VEPH1: variants seen among roughly 807,000 people sequenced by gnomAD.
The protein encoded by VEPH1 is ventricular zone-expressed PH domain-containing protein homolog 1.
In VEPH1, 80 loss-of-function variants were observed where a neutral mutation model predicts 85.2. That is an observed-to-expected ratio of 0.94 (90% CI 0.78 to 1.13). The LOEUF is 1.13. Among genes scored for constraint, VEPH1 ranks in the 50% most tolerant of loss-of-function variants. The probability of loss-of-function intolerance (pLI) is 0.00; values close to 1 mark genes in which losing one functional copy is unlikely to be tolerated. For missense variants in VEPH1, 955 were observed against 980.5 expected (o/e 0.97, Z 0.35); for synonymous variants, 297 against 348.0 (o/e 0.85, Z 1.63).
intron 4 of VEPH1, chr3:157,437,905 C>A: frequency 6.6e-7 from 1 of 1,523,832 alleles, no homozygotes; most frequent in Non-Finnish European, 8.7e-7. Flanking sequence ...CCGGAGCTGG[C>A]TGCCGGCAGG....
At chr3:157,373,501 T>C (rs553843710) in intron 7 of VEPH1, among the ~76,000 whole-genome samples, 26 of 152,282 alleles carry the variant, frequency 1.7e-4, no homozygotes, top group African/African-American at 6.3e-4. Context: ...ATGGCAACTT[T>C]AAAGTTCAAT....
At chr3:157,413,405 T>C in intron 6 of VEPH1, 1 of 889,800 alleles carries the variant, frequency 1.1e-6, no homozygotes. Context: ...ATGATAGCTA[T>C]GGGCTCTCAT....
At chr3:157,406,320 T>C (rs908658653) in intron 6 of VEPH1, among the ~76,000 whole-genome samples, 1 of 152,130 alleles carries the variant, frequency 6.6e-6, no homozygotes, top group African/African-American at 2.4e-5. Flanking sequence ...TTTTTTTTAG[T>C]CTTGATTTGT....
intron 4 of VEPH1, among the ~76,000 whole-genome samples, chr3:157,452,125 G>A (rs981530632): frequency 6.6e-6 from 1 of 152,140 alleles, no homozygotes; most frequent in Non-Finnish European, 1.5e-5. Context: ...GGAAAATACA[G>A]TATTAATAGG....
chr3:157,477,701 T>A (rs920215303), intron 2 of VEPH1, among the ~76,000 whole-genome samples: 4 of 152,118 alleles, frequency 2.6e-5, no homozygotes, highest in Non-Finnish European at 2.9e-5. Flanking sequence ...CTGTCATCAG[T>A]CACTCTAGTG....
chr3:157,419,606 T>C (rs996435920), intron 5 of VEPH1, among the ~76,000 whole-genome samples: 2 of 152,018 alleles, frequency 1.3e-5, no homozygotes, highest in Admixed American at 1.3e-4. Context: ...GAAATTCAAA[T>C]CAAAACCACA....
At chr3:157,348,570 A>G (rs939965427) in intron 9 of VEPH1, among the ~76,000 whole-genome samples, 1 of 152,202 alleles carries the variant, frequency 6.6e-6, no homozygotes, top group Non-Finnish European at 1.5e-5. Flanking sequence ...ATATCTGTTC[A>G]GATCATTTCC....
intron 4 of VEPH1, among the ~76,000 whole-genome samples, chr3:157,440,595 T>C (rs1577665447): frequency 3.3e-5 from 5 of 152,254 alleles, no homozygotes; most frequent in African/African-American, 1.2e-4. Context: ...TACACACATA[T>C]ATATACACAC....
At chr3:157,310,489 T>G (rs1278026665) in intron 11 of VEPH1, among the ~76,000 whole-genome samples, 2 of 152,210 alleles carry the variant, frequency 1.3e-5, no homozygotes, top group African/African-American at 2.4e-5. Context: ...CAGCAGATCT[T>G]AAAGCCAGGT....
At chr3:157,464,736 T>G (rs1736206590) in intron 3 of VEPH1, among the ~76,000 whole-genome samples, 1 of 152,174 alleles carries the variant, frequency 6.6e-6, no homozygotes, top group Non-Finnish European at 1.5e-5. Context: ...GTTTTAAAAT[T>G]GAAAAGAATG....
chr3:157,308,734 G>T (rs1719786470), intron 11 of VEPH1, among the ~76,000 whole-genome samples: 1 of 151,964 alleles, frequency 6.6e-6, no homozygotes, highest in South Asian at 2.1e-4. Flanking sequence ...TGTCATATTT[G>T]CTATTTCCAA....
intron 2 of VEPH1, among the ~76,000 whole-genome samples, chr3:157,494,578 C>A (rs1180720149): frequency 1.3e-5 from 2 of 152,166 alleles, no homozygotes; most frequent in Non-Finnish European, 2.9e-5. Context: ...TCTGTCTGAT[C>A]ACACTGGGGA....
intron 11 of VEPH1, among the ~76,000 whole-genome samples, chr3:157,303,264 TG>T (rs1379453802): frequency 9.2e-5 from 14 of 152,240 alleles, no homozygotes; most frequent in Non-Finnish European, 1.0e-4. Flanking sequence ...ATCCAACAAA[TG>T]CTCATTTTCT....
intron 4 of VEPH1, among the ~76,000 whole-genome samples, chr3:157,441,303 G>A (rs1444417650): frequency 1.3e-5 from 2 of 152,112 alleles, no homozygotes; most frequent in Non-Finnish European, 2.9e-5. Flanking sequence ...TTTTACCTAA[G>A]TTTTCTCATC....
intron 6 of VEPH1, among the ~76,000 whole-genome samples, chr3:157,406,597 A>G (rs1395173927): frequency 6.6e-6 from 1 of 152,112 alleles, no homozygotes. Context: ...TATTCCAGCT[A>G]GTTAGAAAAA....
chr3:157,438,026 C>A, intron 4 of VEPH1: 1 of 821,802 alleles, frequency 1.2e-6, no homozygotes, highest in Non-Finnish European at 1.8e-6. Context: ...GGGAAGCGCG[C>A]GCGCGCGCGC....
At chr3:157,493,125 A>T in intron 2 of VEPH1, 1 of 403,734 alleles carries the variant, frequency 2.5e-6, no homozygotes, top group Non-Finnish European at 4.9e-6. Flanking sequence ...GGTTTTATGC[A>T]ATGGAAAGGG....
chr3:157,357,988 C>T (rs1021432910), intron 9 of VEPH1, among the ~76,000 whole-genome samples: 4 of 152,176 alleles, frequency 2.6e-5, no homozygotes, highest in East Asian at 3.8e-4. Flanking sequence ...TGTTGTTACA[C>T]GCCCGAGTCT....
At chr3:157,341,054 TAAAACCACAAAGATGGGGAAA>T (rs1405472646) in intron 9 of VEPH1, among the ~76,000 whole-genome samples, 1 of 151,934 alleles carries the variant, frequency 6.6e-6, no homozygotes, top group African/African-American at 2.4e-5. Flanking sequence ...CAAAGGTAGA[TAAAACCACAAAGATGGGGAAA>T]AAAACAGAGC....
Sources: allele counts gnomAD v4.1 joint callset (sites outside exome capture counted in the v4.1 genomes callset), GRCh38; gene constraint gnomAD v4.1.1; transcripts MANE v1.5; gene names NCBI Gene and HGNC (gene_info 2026-07-23, HGNC 2026-07-21).